Variants in SULF2 observed in about 807,000 individuals in gnomAD.
The protein encoded by SULF2 is sulfatase 2, also known as extracellular sulfatase Sulf-2.
SULF2 carries 52 observed loss-of-function variants against 107.7 expected under a neutral mutation model. The observed-to-expected ratio is 0.48, with a 90% CI of 0.39 to 0.61. The LOEUF is 0.61. Ranked by LOEUF, SULF2 falls within the 20% of genes least tolerant of loss-of-function variation. The pLI is 0.00. For synonymous variants in SULF2, 460 were observed against 464.3 expected (o/e 0.99, Z 0.12); for missense variants, 993 against 1,177.3 (o/e 0.84, Z 2.29).
Position 47,690,233 on chromosome 20 carries a change from C to T in SULF2, c.630G>A (p.Met210Ile), listed in dbSNP as rs188934676. 32 of 1,571,500 alleles carry T rather than the reference C, an allele frequency of 2.0e-5. No homozygotes were observed. In the East Asian group the frequency reaches 7.1e-4, roughly 35 times the overall value. The stretch of plus-strand genomic sequence containing the variant: ...CCATGAGGACTGGCCTGTGCGGGTA[C>T]ATCTTCTTGGACGTGCGGAAGAAGC... The part of the protein sequence containing the change: ...SVSFFRTSKK[M>I]YPHRPVLMVI... Residue 210 changes from methionine (M) to isoleucine (I), a missense_variant, in exon 5 of 21, where the codon ATG becomes ATA. By Grantham distance (10) the Met-to-Ile change is conservative. Around this residue, in one of 3 missense-constraint regions of SULF2, gnomAD observed 388 missense variants for 449.2 expected, o/e 0.86. Coordinates refer to ENST00000688720, the MANE Select transcript of SULF2 (RefSeq NM_001387048.1).
intron 3 of SULF2, among the ~76,000 whole-genome samples, chr20:47,719,926 A>T (rs1171546212): frequency 6.6e-6 from 1 of 152,152 alleles, no homozygotes; most frequent in East Asian, 1.9e-4. Context: ...CAGTAATGGC[A>T]ATACCATCAT....
intron 10 of SULF2, among the ~76,000 whole-genome samples, chr20:47,675,466 C>G (rs1326102005): frequency 6.6e-6 from 1 of 152,168 alleles, no homozygotes; most frequent in Non-Finnish European, 1.5e-5. Flanking sequence ...CAAACACACA[C>G]TGGGTGGGGA....
At chr20:47,731,278 C>T (rs181771548) in intron 3 of SULF2, among the ~76,000 whole-genome samples, 3 of 147,574 alleles carry the variant, frequency 2.0e-5, no homozygotes, top group Non-Finnish European at 4.4e-5. Flanking sequence ...CTGCAACCTC[C>T]GCCTCCCAGG....
chr20:47,785,510 C>T (rs1479240959), upstream of SULF2: 2 of 147,388 alleles, frequency 1.4e-5, no homozygotes, highest in Non-Finnish European at 3.0e-5. Flanking sequence ...TGCTGCTCCT[C>T]CTCCTGCCTC....
intron 1 of SULF2, among the ~76,000 whole-genome samples, chr20:47,778,929 G>T (rs1187753591): frequency 6.6e-6 from 1 of 152,100 alleles, no homozygotes; most frequent in Non-Finnish European, 1.5e-5. Flanking sequence ...TCAATATGCC[G>T]ATAACTCCCA....
At chr20:47,718,921 C>T (rs781643560) in intron 3 of SULF2, among the ~76,000 whole-genome samples, 9 of 152,182 alleles carry the variant, frequency 5.9e-5, no homozygotes, top group African/African-American at 1.9e-4. Flanking sequence ...GCCATGGAAT[C>T]GAATCAGATC....
At chr20:47,670,944 AT>A (rs1439304086) in intron 11 of SULF2, among the ~76,000 whole-genome samples, 37 of 152,204 alleles carry the variant, frequency 2.4e-4, no homozygotes, top group African/African-American at 8.9e-4. Context: ...GGCCAGAGAA[AT>A]GGGCTACGTG....
At chr20:47,736,556 A>G (rs1056314916) in intron 3 of SULF2, 147 bp downstream of exon 3, 18 of 1,174,314 alleles carry the variant, frequency 1.5e-5, no homozygotes, top group Non-Finnish European at 2.1e-5. Context: ...ACACACAGAA[A>G]TAAATGCACA....
chr20:47,661,905 A>ATTT lies in SULF2; in HGVS notation c.2371-10_2371-9insAAA. 6.5e-7 allele frequency: 1 copy of ATTT among 1,536,600 alleles called. No individual in the cohort carries two copies. The highest frequency in any genetic ancestry group is 2.4e-5 in the East Asian group (1 of 42,330). On this transcript the variant is annotated splice_polypyrimidine_tract_variant and intron_variant, in intron 17 of 20. Coordinates refer to ENST00000688720, the MANE Select transcript of SULF2 (RefSeq NM_001387048.1). ...TTCACTGCATTCATCAGCTGGTTGC[A>ATTT]AAAAAGGTAGTCTGTCAACAAGGTA...
rs2087775087 is a variant in SULF2 at position 47,680,114 on chromosome 20, TTC to T, written c.1065-1312_1065-1311del. Among the ~76,000 whole-genome samples the T allele has an allele frequency of 6.6e-6, 1 of 152,166 alleles. No homozygotes were observed. The highest frequency in any genetic ancestry group is 1.5e-5 in the Non-Finnish European group (1 of 68,032). ...ATCTGCCACCTTTCCTGGCTCCTGT[TTC>T]TTTTTTTGAGAGGTGTCTTGCTCTG... On this transcript the variant is annotated intron_variant, in intron 7 of 20. Coordinates refer to ENST00000688720, the MANE Select transcript of SULF2 (RefSeq NM_001387048.1). The surrounding 1 kb of genome is among the most constrained non-coding windows in gnomAD (Gnocchi z 4.2).
chr20:47,723,589 T>G (rs1350562336), intron 3 of SULF2, among the ~76,000 whole-genome samples: 1 of 152,188 alleles, frequency 6.6e-6, no homozygotes, highest in Non-Finnish European at 1.5e-5. Context: ...CTTGCATCAC[T>G]GCCTGAGCTC....
chr20:47,727,681 C>T (rs2089481677), intron 3 of SULF2, among the ~76,000 whole-genome samples: 1 of 152,130 alleles, frequency 6.6e-6, no homozygotes. Context: ...GGTTTGTGGG[C>T]ACAGGTCACG....
chr20:47,768,882 G>GTTTTTTTT (rs11473246), intron 1 of SULF2, among the ~76,000 whole-genome samples: 1 of 127,472 alleles, frequency 7.8e-6, no homozygotes, highest in Non-Finnish European at 1.6e-5. Flanking sequence ...TTGTGTGCGT[G>GTTTTTTTT]TTTTTTTTTT....
rs1568770578 is a variant in SULF2, at chr20:47,658,357, G to A, written c.*5C>T. 5.0e-6 allele frequency: 8 copies of A among 1,614,114 alleles called. No homozygotes were observed. The highest frequency in any genetic ancestry group is 6.8e-6 in the Non-Finnish European group (8 of 1,179,986). The stretch of plus-strand genomic sequence containing the variant: ...ATGTTTTTGGAGGTCCACCTCTGTT[G>A]TTTCTTAACCTTCCCAGCCTTCCCA... On this transcript the variant is annotated 3_prime_UTR_variant, in exon 21 of 21. Coordinates refer to ENST00000688720, the MANE Select transcript of SULF2 (RefSeq NM_001387048.1).
intron 2 of SULF2, among the ~76,000 whole-genome samples, chr20:47,744,144 G>A (rs1056307403): frequency 1.3e-5 from 2 of 152,126 alleles, no homozygotes; most frequent in African/African-American, 2.4e-5. Flanking sequence ...GGCTATCTCT[G>A]CTTTGCATTA....
At chr20:47,677,033 G>A in intron 9 of SULF2, 45 bp downstream of exon 9, 1 of 1,600,444 alleles carries the variant, frequency 6.2e-7, no homozygotes, top group Non-Finnish European at 8.5e-7. Flanking sequence ...CTGGGCAGAG[G>A]GAGGGAGGTG....
At chr20:47,771,959 C>T (rs2090638852) in intron 1 of SULF2, among the ~76,000 whole-genome samples, 1 of 152,200 alleles carries the variant, frequency 6.6e-6, no homozygotes, top group Non-Finnish European at 1.5e-5. Context: ...GCTTCCAGGG[C>T]AGGGGCTCCT....
At chr20:47,675,559 C>T (rs950662268) in intron 10 of SULF2, among the ~76,000 whole-genome samples, 9 of 152,272 alleles carry the variant, frequency 5.9e-5, no homozygotes, top group Non-Finnish European at 1.2e-4. Context: ...CCATCAGAAA[C>T]GCATCCACTT....
Position 47,665,181 on chromosome 20 carries a change from C to T in SULF2, c.1997+18G>A, listed in dbSNP as rs2087219413. The T allele has an allele frequency of 1.3e-6, 2 of 1,572,938 alleles. No individual in the cohort carries two copies. The highest frequency in any genetic ancestry group is 2.2e-5 in the South Asian group (2 of 90,270). On this transcript the variant is annotated intron_variant, in intron 14 of 20. Coordinates refer to ENST00000688720, the MANE Select transcript of SULF2 (RefSeq NM_001387048.1). ...AGGAGAGTGGGGTCTTAGGGAGGTCCCTTTGCTACTGCCTCACCTGATTTT... is the reference window on the plus strand; with the variant it reads ...AGGAGAGTGGGGTCTTAGGGAGGTCTCTTTGCTACTGCCTCACCTGATTTT...
Sources: allele counts gnomAD v4.1 joint callset (sites outside exome capture counted in the v4.1 genomes callset), GRCh38; gene constraint gnomAD v4.1.1; regional missense constraint gnomAD v4.1.1; non-coding constraint Gnocchi (gnomAD v3.1); transcripts MANE v1.5; gene names NCBI Gene and HGNC (gene_info 2026-07-23, HGNC 2026-07-21).